The following SLC24A2 variants were observed in gnomAD, a reference collection of about 807,000 sequenced individuals.
SLC24A2 encodes sodium/potassium/calcium exchanger 2.
In SLC24A2, 36 loss-of-function variants were observed where a neutral mutation model predicts 62.0. The observed-to-expected ratio is 0.58, with a 90% CI of 0.44 to 0.77. The LOEUF is 0.77. Ranked by LOEUF, SLC24A2 falls within the 30% of genes least tolerant of loss-of-function variation. The pLI is 0.00. For missense variants in SLC24A2, 846 were observed against 817.9 expected (o/e 1.03, Z -0.42); for synonymous variants, 358 against 294.0 (o/e 1.22, Z -2.23).
intron 2 of SLC24A2, among the ~76,000 whole-genome samples, chr9:19,767,011 G>C (rs1822536872): frequency 6.6e-6 from 1 of 152,198 alleles, no homozygotes; most frequent in African/African-American, 2.4e-5. Context: ...GTAATATAGA[G>C]AGGCAGTCTG....
the SLC24A2 span, among the ~76,000 whole-genome samples, chr9:19,810,528 C>T: frequency 6.6e-6 from 1 of 152,096 alleles, no homozygotes; most frequent in East Asian, 1.9e-4. Context: ...GAAATGGGTT[C>T]CCACAGTCCA....
intron 5 of SLC24A2, among the ~76,000 whole-genome samples, chr9:19,591,380 T>C (rs1321633725): frequency 6.6e-6 from 1 of 152,214 alleles, no homozygotes; most frequent in Non-Finnish European, 1.5e-5. Context: ...GAGAAGAGAC[T>C]GCAAGTTGCC....
the SLC24A2 span, among the ~76,000 whole-genome samples, chr9:20,213,846 T>G: frequency 6.6e-6 from 1 of 152,250 alleles, no homozygotes; most frequent in South Asian, 2.1e-4. Flanking sequence ...AGGTGCTTTA[T>G]CTATTATCCC....
chr9:20,226,306 G>A, the SLC24A2 span, among the ~76,000 whole-genome samples: 2 of 152,200 alleles, frequency 1.3e-5, no homozygotes, highest in East Asian at 3.9e-4. Context: ...TTGGCTTAAG[G>A]TGAAGCATAT....
At chr9:20,064,447 T>G in the SLC24A2 span, among the ~76,000 whole-genome samples, 4 of 152,144 alleles carry the variant, frequency 2.6e-5, 1 homozygote, top group African/African-American at 9.7e-5. Context: ...ATTATTGAAT[T>G]ATAATTTACG....
chr9:20,301,795 G>T, the SLC24A2 span, among the ~76,000 whole-genome samples: 3 of 152,212 alleles, frequency 2.0e-5, no homozygotes, highest in Admixed American at 6.5e-5. Context: ...TCTTGGTGTT[G>T]TACATTCTGT....
chr9:19,951,404 G>A, the SLC24A2 span, among the ~76,000 whole-genome samples: 34 of 151,956 alleles, frequency 2.2e-4, no homozygotes, highest in African/African-American at 4.6e-4. Context: ...GTGTTCGTAC[G>A]TATATATGTT....
chr9:19,870,268 GA>G, the SLC24A2 span, among the ~76,000 whole-genome samples: 1 of 151,986 alleles, frequency 6.6e-6, no homozygotes, highest in Admixed American at 6.5e-5. Context: ...CATACAAATG[GA>G]ATCATAGCCT....
chr9:19,900,926 G>C, the SLC24A2 span, among the ~76,000 whole-genome samples: 1 of 152,184 alleles, frequency 6.6e-6, no homozygotes, highest in Non-Finnish European at 1.5e-5. Flanking sequence ...ATCACAGGTA[G>C]ACAACAAACT....
At chr9:19,772,127 G>A (rs1199032826) in intron 2 of SLC24A2, among the ~76,000 whole-genome samples, 1 of 152,148 alleles carries the variant, frequency 6.6e-6, no homozygotes, top group Non-Finnish European at 1.5e-5. Context: ...TCAGGAGCAG[G>A]CAAAGAAGGA....
chr9:19,534,031 T>G (rs1176330442), intron 8 of SLC24A2, among the ~76,000 whole-genome samples: 1 of 152,192 alleles, frequency 6.6e-6, no homozygotes, highest in Non-Finnish European at 1.5e-5. Context: ...GGTTATCTCA[T>G]GCTTTCCTTA....
At chr9:20,083,514 T>C in the SLC24A2 span, among the ~76,000 whole-genome samples, 1 of 152,220 alleles carries the variant, frequency 6.6e-6, no homozygotes, top group African/African-American at 2.4e-5. Context: ...ATCCCAACAA[T>C]GTGGCCTCAT....
the SLC24A2 span, among the ~76,000 whole-genome samples, chr9:20,074,640 G>A: frequency 2.9e-4 from 33 of 111,958 alleles, no homozygotes; most frequent in South Asian, 0.012. Context: ...GGAGGGACGG[G>A]AAGGGGGTGA....
chr9:20,206,720 C>G, the SLC24A2 span, among the ~76,000 whole-genome samples: 1 of 152,126 alleles, frequency 6.6e-6, no homozygotes, highest in Non-Finnish European at 1.5e-5. Context: ...GCCTCATGAT[C>G]TGCTCGCCTC....
At chr9:19,862,348 T>A in the SLC24A2 span, among the ~76,000 whole-genome samples, 1 of 151,972 alleles carries the variant, frequency 6.6e-6, no homozygotes, top group Non-Finnish European at 1.5e-5. Flanking sequence ...TCTGGAGAAA[T>A]TACCCTTCAA....
chr9:19,963,861 A>G, the SLC24A2 span, among the ~76,000 whole-genome samples: 1 of 152,130 alleles, frequency 6.6e-6, no homozygotes, highest in Non-Finnish European at 1.5e-5. Context: ...CAGCCATCCC[A>G]TTACTGGGTA....
Position 19,520,996 on chromosome 9 carries a change from G to C in SLC24A2, c.1634C>G (p.Ser545Cys). The C allele has an allele frequency of 1.9e-6, 3 of 1,614,034 alleles. No homozygotes were observed. The highest frequency in any genetic ancestry group is 2.7e-5 in the African/African-American group (2 of 75,036). The part of the protein sequence containing the change: ...MGLTILAAGT[S>C]IPDLITSVIV... Reference sequence around the variant, plus strand: ...GACACTGGTGATAAGATCAGGGATGGAGGTCCCAGCAGCCAAGATGGTCAG... The same window carrying C: ...GACACTGGTGATAAGATCAGGGATGCAGGTCCCAGCAGCCAAGATGGTCAG... Residue 545 changes from serine (S) to cysteine (C), a missense_variant, in exon 10 of 11, where the codon TCC (serine) becomes TGC (cysteine). By Grantham distance (112) the Ser-to-Cys change is moderately radical (BLOSUM62 -1). Coordinates refer to ENST00000341998, the MANE Select transcript of SLC24A2 (RefSeq NM_020344.4).
At chr9:19,562,115 TG>T (rs1444236266) in intron 7 of SLC24A2, among the ~76,000 whole-genome samples, 3 of 152,218 alleles carry the variant, frequency 2.0e-5, no homozygotes, top group African/African-American at 7.2e-5. Flanking sequence ...AACTTATGGA[TG>T]AGACTGATTT....
the SLC24A2 span, among the ~76,000 whole-genome samples, chr9:20,173,651 A>G: frequency 6.6e-5 from 10 of 152,120 alleles, no homozygotes; most frequent in Non-Finnish European, 2.9e-5. Context: ...GTGGAGGTAA[A>G]AGACTTCTAC....
Sources: allele counts gnomAD v4.1 joint callset (sites outside exome capture counted in the v4.1 genomes callset), GRCh38; gene constraint gnomAD v4.1.1; transcripts MANE v1.5; gene names NCBI Gene and HGNC (gene_info 2026-07-23, HGNC 2026-07-21).